Variants in FIRRM observed in about 807,000 individuals in gnomAD.
The protein encoded by FIRRM is FIGNL1-interacting regulator of recombination and mitosis.
At chr1:169,804,546 T>C in the FIRRM span, among the ~76,000 whole-genome samples, 2 of 152,218 alleles carry the variant, frequency 1.3e-5, no homozygotes, top group South Asian at 2.1e-4. Flanking sequence ...ATAACTGATA[T>C]TGAGATGCAG....
At chr1:169,837,969 T>C in the FIRRM span, among the ~76,000 whole-genome samples, 1 of 152,102 alleles carries the variant, frequency 6.6e-6, no homozygotes, top group East Asian at 1.9e-4. Flanking sequence ...TGAGGTTTCG[T>C]TCTTATTGCC....
At chr1:169,822,934 C>A in the FIRRM span, among the ~76,000 whole-genome samples, 1 of 152,166 alleles carries the variant, frequency 6.6e-6, no homozygotes, top group African/African-American at 2.4e-5. Flanking sequence ...TTAGCCTCAT[C>A]CTCCTTTCAT....
chr1:169,829,529 G>C, the FIRRM span: 1 of 1,298,802 alleles, frequency 7.7e-7, no homozygotes, highest in Admixed American at 2.5e-5. Context: ...ATATACAGAA[G>C]AAAATGTGGG....
At chr1:169,796,816 C>T in the FIRRM span, among the ~76,000 whole-genome samples, 1 of 152,224 alleles carries the variant, frequency 6.6e-6, no homozygotes, top group Non-Finnish European at 1.5e-5. Flanking sequence ...ATTAGGCTCA[C>T]CTACCTCAAG....
At chr1:169,846,605 A>T in the FIRRM span, among the ~76,000 whole-genome samples, 1 of 152,006 alleles carries the variant, frequency 6.6e-6, no homozygotes, top group South Asian at 2.1e-4. Flanking sequence ...TGTTACGGAG[A>T]TTGCTTCTTA....
At chr1:169,830,922 G>A in the FIRRM span, among the ~76,000 whole-genome samples, 7 of 152,184 alleles carry the variant, frequency 4.6e-5, no homozygotes, top group African/African-American at 9.7e-5. Flanking sequence ...CTAAAAAACC[G>A]TTAGTGTGAA....
At chr1:169,801,171 G>A in the FIRRM span, among the ~76,000 whole-genome samples, 3 of 151,946 alleles carry the variant, frequency 2.0e-5, no homozygotes, top group Non-Finnish European at 2.9e-5. Context: ...GGCTGGGCAC[G>A]GTGGCTCATG....
chr1:169,804,879 C>T, the FIRRM span, among the ~76,000 whole-genome samples: 2 of 152,144 alleles, frequency 1.3e-5, no homozygotes, highest in Non-Finnish European at 2.9e-5. Flanking sequence ...GACAGGGTTT[C>T]ACCGTGTTGG....
chr1:169,799,872 G>C, the FIRRM span, among the ~76,000 whole-genome samples: 2 of 151,694 alleles, frequency 1.3e-5, no homozygotes, highest in Non-Finnish European at 2.9e-5. Flanking sequence ...GTTTTGTTTT[G>C]TTTTCAAGAC....
the FIRRM span, chr1:169,806,043 G>A: frequency 1.2e-6 from 2 of 1,602,968 alleles, no homozygotes; most frequent in Non-Finnish European, 1.7e-6. Flanking sequence ...GTTATTTCCA[G>A]TATGGACCAT....
chr1:169,798,733 A>C, the FIRRM span: 1 of 339,794 alleles, frequency 2.9e-6, no homozygotes, highest in Admixed American at 4.9e-5. Context: ...ATGTGTTTTC[A>C]CAATACTGTT....
the FIRRM span, among the ~76,000 whole-genome samples, chr1:169,800,159 A>G: frequency 6.6e-6 from 1 of 152,178 alleles, no homozygotes; most frequent in Non-Finnish European, 1.5e-5. Flanking sequence ...TCAGCCTTCC[A>G]AGTAGCTGAG....
the FIRRM span, among the ~76,000 whole-genome samples, chr1:169,787,368 C>T: frequency 2.6e-5 from 4 of 152,326 alleles, no homozygotes; most frequent in Non-Finnish European, 5.9e-5. Flanking sequence ...TAGTAAAGAG[C>T]TCTGCTAAGT....
At chr1:169,837,487 C>A in the FIRRM span, among the ~76,000 whole-genome samples, 1 of 152,026 alleles carries the variant, frequency 6.6e-6, no homozygotes, top group Non-Finnish European at 1.5e-5. Flanking sequence ...CCTTTATGTA[C>A]CTTTTACATA....
the FIRRM span, among the ~76,000 whole-genome samples, chr1:169,816,437 A>G: frequency 1.5e-3 from 226 of 152,140 alleles, no homozygotes; most frequent in African/African-American, 5.2e-3. Flanking sequence ...TTTTTGAAAC[A>G]TAATTTTTTT....
At chr1:169,835,438 A>G in the FIRRM span, among the ~76,000 whole-genome samples, 1 of 152,332 alleles carries the variant, frequency 6.6e-6, no homozygotes, top group Non-Finnish European at 1.5e-5. Context: ...AGTATTTAAT[A>G]TGCCTTATCT....
the FIRRM span, chr1:169,826,048 C>T: frequency 3.4e-6 from 1 of 292,416 alleles, no homozygotes; most frequent in Non-Finnish European, 7.1e-6. Flanking sequence ...ATAGTAAATT[C>T]AGCATTCTGC....
chr1:169,821,776 C>G, the FIRRM span: 4 of 1,506,060 alleles, frequency 2.7e-6, no homozygotes, highest in South Asian at 4.7e-5. Flanking sequence ...CTTTATTATA[C>G]GTTACTTTAT....
chr1:169,850,663 G>A, the FIRRM span: 1 of 201,634 alleles, frequency 5.0e-6, no homozygotes, highest in Non-Finnish European at 1.0e-5. Flanking sequence ...GGGCATGGTG[G>A]TACGCGCCTG....
Sources: gnomAD v4.1 joint callset for allele counts (sites outside exome capture counted in the v4.1 genomes callset) on GRCh38, gnomAD v4.1.1 for gene constraint, MANE v1.5 for transcripts, NCBI Gene and HGNC (gene_info 2026-07-23, HGNC 2026-07-21) for gene names.